The following NAV2 variants were observed in gnomAD, a reference collection of about 807,000 sequenced individuals.
NAV2 encodes the protein neuron navigator 2, also known as helicase, APC down-regulated 1.
In NAV2, 54 loss-of-function variants were observed where a neutral mutation model predicts 223.2. The observed-to-expected ratio is 0.24, with a 90% CI of 0.19 to 0.30. NAV2 has a LOEUF of 0.30. Ranked by LOEUF, NAV2 falls within the 10% of genes least tolerant of loss-of-function variation. The probability of loss-of-function intolerance (pLI) is 1.00; values close to 1 mark genes in which losing one functional copy is unlikely to be tolerated. For synonymous variants in NAV2, 1,279 were observed against 1,239.3 expected, an observed-to-expected ratio of 1.03 and a Z score of -0.67; for missense variants, 2,806 against 3,147.5, an observed-to-expected ratio of 0.89 and a Z score of 2.60.
At chr11:20,033,886 C>G (rs960342619) in intron 11 of NAV2, among the ~76,000 whole-genome samples, 1 of 152,204 alleles carries the variant, frequency 6.6e-6, no homozygotes, top group Non-Finnish European at 1.5e-5. Context: ...TCCCAGGTTC[C>G]ACGCTGCCAC....
intron 1 of NAV2, chr11:19,518,633 GA>G (rs1453243078): frequency 6.6e-6 from 1 of 152,224 alleles, no homozygotes; most frequent in Non-Finnish European, 1.5e-5. Context: ...TCATTCGCTT[GA>G]TCATTCAGCA....
chr11:19,659,401 A>G (rs1308414964), intron 1 of NAV2, among the ~76,000 whole-genome samples: 3 of 152,154 alleles, frequency 2.0e-5, no homozygotes, highest in Non-Finnish European at 4.4e-5. Flanking sequence ...GTTTGGTGCA[A>G]TGGGAAGGCA....
chr11:19,658,998 T>C (rs558694661), intron 1 of NAV2, among the ~76,000 whole-genome samples: 2 of 152,304 alleles, frequency 1.3e-5, no homozygotes, highest in South Asian at 4.1e-4. Flanking sequence ...AGCTAAAGGA[T>C]GCTCTGTCTT....
At chr11:20,041,189 A>G (rs748153161) in intron 12 of NAV2, among the ~76,000 whole-genome samples, 14 of 152,166 alleles carry the variant, frequency 9.2e-5, no homozygotes, top group Non-Finnish European at 1.5e-4. Flanking sequence ...GCACAAATGT[A>G]TCATATACCT....
chr11:19,476,968 C>T (rs899168829), intron 1 of NAV2, among the ~76,000 whole-genome samples: 6 of 152,154 alleles, frequency 3.9e-5, no homozygotes, highest in African/African-American at 1.4e-4. Flanking sequence ...TCATGGCCCC[C>T]TCAGGTGTCA....
At chr11:20,037,448 AAT>A (rs2056500464) in intron 12 of NAV2, among the ~76,000 whole-genome samples, 2 of 151,048 alleles carry the variant, frequency 1.3e-5, no homozygotes, top group African/African-American at 4.9e-5. Flanking sequence ...TGCCTGATGA[AAT>A]ACATTAGGTG....
intron 11 of NAV2, among the ~76,000 whole-genome samples, chr11:20,035,521 G>A (rs1282572008): frequency 6.6e-6 from 1 of 152,150 alleles, no homozygotes; most frequent in Non-Finnish European, 1.5e-5. Context: ...AGTGAAGTCT[G>A]CAGAAGTCAT....
At chr11:19,668,709 A>G (rs1224914008) in intron 1 of NAV2, among the ~76,000 whole-genome samples, 1 of 151,992 alleles carries the variant, frequency 6.6e-6, no homozygotes, top group Non-Finnish European at 1.5e-5. Flanking sequence ...GGTTGAAGAC[A>G]GGGACGCTGA....
intron 11 of NAV2, among the ~76,000 whole-genome samples, chr11:20,014,722 CGA>C (rs1296414699): frequency 6.6e-6 from 1 of 151,956 alleles, no homozygotes; most frequent in Admixed American, 6.6e-5. Flanking sequence ...GACAACATGG[CGA>C]AACCCTCTCT....
chr11:19,629,518 C>G (rs2047283729), intron 1 of NAV2, among the ~76,000 whole-genome samples: 1 of 149,122 alleles, frequency 6.7e-6, no homozygotes, highest in South Asian at 2.1e-4. Flanking sequence ...CTCTTTGCCT[C>G]TTTCTTTTTT....
intron 1 of NAV2, among the ~76,000 whole-genome samples, chr11:19,616,220 C>T (rs1414132865): frequency 6.6e-6 from 1 of 151,768 alleles, no homozygotes; most frequent in Admixed American, 6.6e-5. Flanking sequence ...CAGGGCACAC[C>T]ATGCTGAGTA....
chr11:19,856,288 A>G (rs2061402730), intron 3 of NAV2, among the ~76,000 whole-genome samples: 1 of 152,216 alleles, frequency 6.6e-6, no homozygotes, highest in Admixed American at 6.5e-5. Flanking sequence ...TGCCTCTGAC[A>G]TTGTGGCTAT....
At chr11:20,098,748 A>T (rs1470256) in intron 31 of NAV2, among the ~76,000 whole-genome samples, 148,780 of 152,310 alleles carry the variant, frequency 0.98, 72,760 homozygotes, top group Middle Eastern at 1. Flanking sequence ...CTTTGGACTA[A>T]AAGTGACAGA....
chr11:19,411,147 T>C (rs1441695520), intron 1 of NAV2, among the ~76,000 whole-genome samples: 3 of 152,136 alleles, frequency 2.0e-5, no homozygotes, highest in Non-Finnish European at 4.4e-5. Flanking sequence ...TTCTGATTCA[T>C]TGCAGCTAGG....
At chr11:19,415,880 G>A (rs10450579) in intron 1 of NAV2, among the ~76,000 whole-genome samples, 5,483 of 152,158 alleles carry the variant, frequency 0.036, 327 homozygotes, top group African/African-American at 0.13. Context: ...AAAGGCCTTC[G>A]ATAAAATTCA....
intron 25 of NAV2, among the ~76,000 whole-genome samples, chr11:20,081,912 G>A (rs1002744377): frequency 8.5e-5 from 13 of 152,134 alleles, no homozygotes; most frequent in Admixed American, 2.0e-4. Context: ...AGAAGACATT[G>A]CATTTTAATT....
intron 1 of NAV2, among the ~76,000 whole-genome samples, chr11:19,652,103 T>C (rs2047987009): frequency 2.6e-5 from 4 of 152,162 alleles, no homozygotes; most frequent in Admixed American, 1.3e-4. Flanking sequence ...CAGTGATTAA[T>C]CCAAGATATT....
intron 1 of NAV2, among the ~76,000 whole-genome samples, chr11:19,574,656 CAT>C (rs1312800915): frequency 2.0e-5 from 3 of 152,178 alleles, no homozygotes; most frequent in Non-Finnish European, 4.4e-5. Context: ...AAGTGCCAAA[CAT>C]AGTGAATACA....
At chr11:19,669,112 C>A (rs2048507802) in intron 1 of NAV2, among the ~76,000 whole-genome samples, 1 of 152,144 alleles carries the variant, frequency 6.6e-6, no homozygotes. Flanking sequence ...GCAGCCAGCA[C>A]CAAAGTTTTA....
Sources: gnomAD v4.1 joint callset for allele counts (sites outside exome capture counted in the v4.1 genomes callset) on GRCh38, gnomAD v4.1.1 for gene constraint, MANE v1.5 for transcripts, NCBI Gene and HGNC (gene_info 2026-07-23, HGNC 2026-07-21) for gene names.